FHIT: variants seen among roughly 807,000 people sequenced by gnomAD.
The protein encoded by FHIT is bis(5'-adenosyl)-triphosphatase.
Under a neutral mutation model 17.9 loss-of-function variants are expected in FHIT, and 19 were observed. The observed-to-expected ratio is 1.06, with a 90% CI of 0.74 to 1.56. The LOEUF (loss-of-function observed/expected upper bound fraction) is 1.56, where lower values mean the gene tolerates loss of function less well. FHIT is among the 40% of genes most tolerant of loss of function. The probability of loss-of-function intolerance (pLI) is 0.00; values close to 1 mark genes in which losing one functional copy is unlikely to be tolerated. For missense variants in FHIT, 248 were observed against 189.2 expected (o/e 1.31, Z -1.82); for synonymous variants, 81 against 69.7 (o/e 1.16, Z -0.81).
At chr3:60,702,768 C>T (rs967357044) in intron 4 of FHIT, among the ~76,000 whole-genome samples, 2 of 152,070 alleles carry the variant, frequency 1.3e-5, no homozygotes, top group Admixed American at 6.6e-5. Flanking sequence ...GTGCTAATAG[C>T]AAATATTCCT....
intron 5 of FHIT, among the ~76,000 whole-genome samples, chr3:60,389,487 A>C (rs1701140962): frequency 1.3e-5 from 2 of 152,172 alleles, no homozygotes; most frequent in African/African-American, 4.8e-5. Flanking sequence ...ATACACTCCA[A>C]ATTACAACTA....
chr3:60,925,301 G>T (rs1553769558), intron 3 of FHIT, among the ~76,000 whole-genome samples: 1 of 152,182 alleles, frequency 6.6e-6, no homozygotes. Context: ...GTTAATGGCA[G>T]CCAGAGAGAA....
At chr3:61,110,047 A>G (rs2036109561) in intron 2 of FHIT, among the ~76,000 whole-genome samples, 2 of 152,300 alleles carry the variant, frequency 1.3e-5, no homozygotes, top group South Asian at 4.1e-4. Context: ...GTGATCCTGG[A>G]CTGTCTATCT....
intron 4 of FHIT, among the ~76,000 whole-genome samples, chr3:60,798,309 T>C (rs1701061919): frequency 6.6e-6 from 1 of 152,184 alleles, no homozygotes. Flanking sequence ...TTGGAATAAA[T>C]ATATAATAAT....
At chr3:61,027,147 C>T (rs993958051) in intron 3 of FHIT, among the ~76,000 whole-genome samples, 7 of 152,144 alleles carry the variant, frequency 4.6e-5, no homozygotes, top group East Asian at 1.9e-4. Flanking sequence ...AGTGCAGTGG[C>T]GCAATCTTGG....
chr3:60,268,859 C>G (rs540036570), intron 5 of FHIT, among the ~76,000 whole-genome samples: 1 of 151,720 alleles, frequency 6.6e-6, no homozygotes, highest in African/African-American at 2.4e-5. Context: ...CTAGGTGGGC[C>G]CAACATAATC....
chr3:59,958,558 C>G (rs367898440), intron 7 of FHIT, among the ~76,000 whole-genome samples: 2 of 152,190 alleles, frequency 1.3e-5, no homozygotes, highest in East Asian at 1.9e-4. Context: ...AAATCAGGAA[C>G]AGCAAATAGG....
chr3:60,795,153 T>C (rs1175269686), intron 4 of FHIT, among the ~76,000 whole-genome samples: 7 of 152,220 alleles, frequency 4.6e-5, no homozygotes, highest in African/African-American at 1.2e-4. Context: ...TCCATAACTA[T>C]ACACAGAACC....
intron 3 of FHIT, among the ~76,000 whole-genome samples, chr3:60,993,228 C>T (rs2107587076): frequency 6.6e-6 from 1 of 152,308 alleles, no homozygotes; most frequent in Middle Eastern, 3.4e-3. Flanking sequence ...CAATTCAGGA[C>T]CAGTTTTCAC....
In FHIT at chr3:59,884,472, G is replaced by A. The variant is rs1703536381; in HGVS notation, c.348+37874C>T. ...TTTATTGTGTATCTCAGCAAAAACT[G>A]ACCACTCAACTTTTCTAGGGACAAC... is the stretch of plus-strand genomic sequence containing the variant. On this transcript the variant is annotated intron_variant, in intron 8 of 9. Coordinates refer to ENST00000492590, the MANE Select transcript of FHIT (RefSeq NM_002012.4). 2.0e-5 allele frequency among the ~76,000 whole-genome samples: 3 copies of A among 152,120 alleles called. No homozygotes were observed. The South Asian group carries it at 6.2e-4, about 32-fold the overall frequency.
intron 4 of FHIT, among the ~76,000 whole-genome samples, chr3:60,546,322 T>G (rs1399433381): frequency 6.6e-6 from 1 of 152,194 alleles, no homozygotes; most frequent in Non-Finnish European, 1.5e-5. Flanking sequence ...TCTATTTTTA[T>G]TTCAGTAGTG....
intron 2 of FHIT, among the ~76,000 whole-genome samples, chr3:61,109,563 C>G (rs1019031780): frequency 1.3e-5 from 2 of 152,094 alleles, no homozygotes; most frequent in African/African-American, 4.8e-5. Flanking sequence ...TATGTAAGCC[C>G]CCAGTAAAAG....
At chr3:60,919,415 A>T (rs1363997163) in intron 3 of FHIT, among the ~76,000 whole-genome samples, 6 of 136,782 alleles carry the variant, frequency 4.4e-5, no homozygotes, top group East Asian at 2.0e-4. Flanking sequence ...TTTTTTTTTT[A>T]AAGCTGTCTA....
chr3:60,297,701 C>T (rs1708275569), intron 5 of FHIT, among the ~76,000 whole-genome samples: 1 of 152,020 alleles, frequency 6.6e-6, no homozygotes. Context: ...GCGTAGGGGG[C>T]ATAAAATACT....
At chr3:61,018,317 A>G (rs1347075852) in intron 3 of FHIT, among the ~76,000 whole-genome samples, 1 of 152,222 alleles carries the variant, frequency 6.6e-6, no homozygotes, top group East Asian at 1.9e-4. Flanking sequence ...TTCTTTTTCC[A>G]ATTTAGAAAA....
At chr3:60,480,008 T>A (rs925263066) in intron 5 of FHIT, among the ~76,000 whole-genome samples, 3 of 152,168 alleles carry the variant, frequency 2.0e-5, no homozygotes, top group African/African-American at 7.2e-5. Context: ...CACAATGCAA[T>A]AAAGATATTA....
At chr3:60,316,642 G>C (rs2106784512) in intron 5 of FHIT, among the ~76,000 whole-genome samples, 1 of 152,232 alleles carries the variant, frequency 6.6e-6, no homozygotes, top group East Asian at 1.9e-4. Context: ...CTACAAATTT[G>C]AATGAAATCC....
chr3:60,934,263 C>T (rs1176531249), intron 3 of FHIT, among the ~76,000 whole-genome samples: 5 of 151,930 alleles, frequency 3.3e-5, no homozygotes, highest in Admixed American at 2.6e-4. Flanking sequence ...ATTCTGATTC[C>T]TGTACAGCCC....
intron 5 of FHIT, among the ~76,000 whole-genome samples, chr3:60,097,221 C>T (rs113484031): frequency 0.031 from 4,711 of 151,964 alleles, 228 homozygotes; most frequent in African/African-American, 0.11. Context: ...AACTGAACAT[C>T]TTATGGTCTG....
Sources: allele counts gnomAD v4.1 joint callset (sites outside exome capture counted in the v4.1 genomes callset), GRCh38; gene constraint gnomAD v4.1.1; transcripts MANE v1.5; gene names NCBI Gene and HGNC (gene_info 2026-07-23, HGNC 2026-07-21).